THEMIS: variants seen among roughly 807,000 people sequenced by gnomAD.
The protein encoded by THEMIS is thymocyte selection associated.
A neutral mutation model predicts 52.6 loss-of-function variants in THEMIS; 37 were observed. That is an observed-to-expected ratio of 0.70 (90% CI 0.54 to 0.93). The LOEUF (loss-of-function observed/expected upper bound fraction) is 0.93. THEMIS is among the 40% of genes least tolerant of loss of function. The probability of loss-of-function intolerance (pLI) is 0.00; values close to 1 mark genes in which losing one functional copy is unlikely to be tolerated. For synonymous variants in THEMIS, 292 were observed against 272.7 expected (o/e 1.07, Z -0.70); for missense variants, 808 against 763.1 (o/e 1.06, Z -0.69).
exon 1 of THEMIS, chr6:127,918,443 CT>C (rs1037939619): frequency 6.6e-6 from 1 of 152,110 alleles, no homozygotes; most frequent in African/African-American, 2.4e-5. Flanking sequence ...ATCAGAGAGG[CT>C]GATGTTAATG....
intron 2 of THEMIS, among the ~76,000 whole-genome samples, chr6:127,835,232 GT>G (rs1345456085): frequency 1.8e-4 from 28 of 152,172 alleles, no homozygotes; most frequent in African/African-American, 6.5e-4. Context: ...GTGATTTTAG[GT>G]AGAATTTTCA....
At chr6:127,810,397 C>T (rs538943066) in intron 4 of THEMIS, among the ~76,000 whole-genome samples, 1 of 152,250 alleles carries the variant, frequency 6.6e-6, no homozygotes, top group Non-Finnish European at 1.5e-5. Flanking sequence ...ACCAACACAA[C>T]ATTGTTGGAA....
intron 2 of THEMIS, among the ~76,000 whole-genome samples, chr6:127,836,160 T>A (rs1256874037): frequency 6.6e-6 from 1 of 152,146 alleles, no homozygotes; most frequent in East Asian, 1.9e-4. Flanking sequence ...ATTTTAATGA[T>A]CTTAATTTTG....
At chr6:127,786,109 C>T (rs1776939480) in intron 4 of THEMIS, among the ~76,000 whole-genome samples, 5 of 152,154 alleles carry the variant, frequency 3.3e-5, no homozygotes, top group Admixed American at 2.6e-4. Flanking sequence ...ACTATTTGCA[C>T]CCTGGGACAA....
chr6:127,768,275 G>A (rs894813959), intron 4 of THEMIS, among the ~76,000 whole-genome samples: 6 of 152,096 alleles, frequency 3.9e-5, no homozygotes, highest in African/African-American at 1.4e-4. Context: ...GTATTTCAGG[G>A]ATTCAGCTTC....
At chr6:127,696,751 C>T in the THEMIS span, among the ~76,000 whole-genome samples, 1 of 152,060 alleles carries the variant, frequency 6.6e-6, no homozygotes, top group African/African-American at 2.4e-5. Context: ...TTTTTTTAGA[C>T]TGCCCTCCAT....
rs1185348542 is a variant in THEMIS, at chr6:127,784,949, CACTATCTA to C, written c.1758+27926_1758+27933del. Among the ~76,000 whole-genome samples the C allele has an allele frequency of 3.8e-5, 5 of 130,364 alleles. No homozygotes were observed. The Admixed American group carries it at 4.3e-4, about 11-fold the overall frequency. 85.5% of individuals were successfully genotyped at this position (130,364 alleles called of 152,430 possible). On this transcript the variant is annotated intron_variant, in intron 4 of 5. Transcript: ENST00000368248. ...AATCTTCAGATAGCAAAGGCAGTCA[CACTATCTA>C]TCTATCTATCTATCTATCTATCTAT...
intron 4 of THEMIS, among the ~76,000 whole-genome samples, chr6:127,737,676 A>G (rs1055494287): frequency 6.6e-6 from 1 of 152,246 alleles, no homozygotes; most frequent in African/African-American, 2.4e-5. Context: ...CAAATATATC[A>G]TAAACTAATT....
At chr6:127,895,246 T>C (rs1780928819) in intron 1 of THEMIS, among the ~76,000 whole-genome samples, 1 of 151,350 alleles carries the variant, frequency 6.6e-6, no homozygotes, top group Non-Finnish European at 1.5e-5. Flanking sequence ...TAGATGATTT[T>C]CTTTATGACT....
intron 5 of THEMIS, among the ~76,000 whole-genome samples, chr6:127,711,130 A>G (rs1262276596): frequency 6.6e-6 from 1 of 151,154 alleles, no homozygotes; most frequent in Non-Finnish European, 1.5e-5. Flanking sequence ...CACTAGCTGT[A>G]TAACCTAAAG....
At chr6:127,860,555 C>G (rs1234956697) in intron 1 of THEMIS, among the ~76,000 whole-genome samples, 1 of 152,006 alleles carries the variant, frequency 6.6e-6, no homozygotes, top group African/African-American at 2.4e-5. Context: ...GAAGTCAAGC[C>G]TAAAGACTGA....
intron 1 of THEMIS, among the ~76,000 whole-genome samples, chr6:127,893,639 T>C (rs890602806): frequency 6.6e-6 from 1 of 152,134 alleles, no homozygotes; most frequent in Non-Finnish European, 1.5e-5. Context: ...GTGATGAACA[T>C]TCTCCCTATT....
intron 1 of THEMIS, among the ~76,000 whole-genome samples, chr6:127,875,402 C>A (rs2114401850): frequency 6.6e-6 from 1 of 152,250 alleles, no homozygotes; most frequent in South Asian, 2.1e-4. Context: ...TGTAGAAACC[C>A]CCAAACTGCA....
chr6:127,701,899 A>G, the THEMIS span, among the ~76,000 whole-genome samples: 1 of 152,280 alleles, frequency 6.6e-6, no homozygotes, highest in South Asian at 2.1e-4. Flanking sequence ...TCTGAATTTT[A>G]CTTAATGATT....
At position 127,712,747 on chromosome 6, in the gene THEMIS, CTAAA is replaced by C. The variant is rs541601525; in HGVS notation, c.1895-2735_1895-2732del. Among the ~76,000 whole-genome samples, 697 of 151,890 alleles carry C rather than the reference CTAAA, an allele frequency of 4.6e-3. 4 individuals are homozygous for C. Among genetic ancestry groups the C allele is most frequent in the Middle Eastern group, 0.031 (9 of 294 alleles). The stretch of plus-strand genomic sequence containing the variant: ...TGCTTTTCTTTCTCAAAAATACAGG[CTAAA>C]TAAGTGTCCTTCAATGGTCAGAATT... On this transcript the variant is annotated intron_variant, in intron 5 of 5. Coordinates refer to ENST00000368248, the MANE Select transcript of THEMIS (RefSeq NM_001010923.3).
intron 5 of THEMIS, among the ~76,000 whole-genome samples, chr6:127,716,781 G>A (rs1206683969): frequency 6.6e-6 from 1 of 151,880 alleles, no homozygotes; most frequent in Non-Finnish European, 1.5e-5. Flanking sequence ...AATAAACATT[G>A]AAGCCCTGTG....
intron 1 of THEMIS, 82 bp from the exon 2 acceptor site, chr6:127,855,270 T>A: frequency 8.0e-7 from 1 of 1,247,674 alleles, no homozygotes; most frequent in Non-Finnish European, 1.1e-6. Flanking sequence ...TAATATAAAG[T>A]GTTTTAATTC....
chr6:127,808,676 T>G (rs1777799535), intron 4 of THEMIS, among the ~76,000 whole-genome samples: 1 of 152,198 alleles, frequency 6.6e-6, no homozygotes. Context: ...GGTCTTGAAG[T>G]AGGCTATAAT....
intron 4 of THEMIS, among the ~76,000 whole-genome samples, chr6:127,720,525 C>G (rs997135282): frequency 6.6e-6 from 1 of 151,868 alleles, no homozygotes; most frequent in Non-Finnish European, 1.5e-5. Context: ...TTAATTCATA[C>G]CCAAGTCCAG....
Sources: allele counts gnomAD v4.1 joint callset (sites outside exome capture counted in the v4.1 genomes callset), GRCh38; gene constraint gnomAD v4.1.1; transcripts MANE v1.5; gene names NCBI Gene and HGNC (gene_info 2026-07-23, HGNC 2026-07-21).